The following FBXW7 variants were observed in gnomAD, a reference collection of about 807,000 sequenced individuals.
FBXW7 encodes the protein F-box and WD repeat domain containing 7, also known as F-box/WD repeat-containing protein 7.
Under a neutral mutation model 86.3 loss-of-function variants are expected in FBXW7, and 11 were observed. That is an observed-to-expected ratio of 0.13 (90% CI 0.08 to 0.21). The LOEUF (loss-of-function observed/expected upper bound fraction) is 0.21. FBXW7 is among the 10% of genes least tolerant of loss of function. FBXW7 has a pLI of 1.00. For synonymous variants in FBXW7, 313 were observed against 297.9 expected, an observed-to-expected ratio of 1.05 and a Z score of -0.52; for missense variants, 488 against 847.4, an observed-to-expected ratio of 0.58 and a Z score of 5.27.
At chr4:152,409,094 T>G (rs1309243217) in intron 4 of FBXW7, among the ~76,000 whole-genome samples, 2 of 152,202 alleles carry the variant, frequency 1.3e-5, no homozygotes, top group East Asian at 3.8e-4. Flanking sequence ...TTAAAAATCT[T>G]TTTTTCTCAT....
At chr4:152,425,684 G>A (rs377410869) in intron 2 of FBXW7, among the ~76,000 whole-genome samples, 42 of 151,994 alleles carry the variant, frequency 2.8e-4, no homozygotes, top group African/African-American at 9.9e-4. Context: ...CAAGTACAAA[G>A]GACCCTGGGA....
At chr4:152,458,864 A>G (rs1742677827) in intron 2 of FBXW7, among the ~76,000 whole-genome samples, 1 of 152,208 alleles carries the variant, frequency 6.6e-6, no homozygotes, top group African/African-American at 2.4e-5. Flanking sequence ...TCAGCTTGCT[A>G]TGCCACTTCT....
intron 11 of FBXW7, among the ~76,000 whole-genome samples, chr4:152,327,630 T>C (rs951910512): frequency 6.6e-6 from 1 of 152,038 alleles, no homozygotes; most frequent in Non-Finnish European, 1.5e-5. Flanking sequence ...TAGTCAACAG[T>C]AGGCTCAAAA....
At chr4:152,454,490 T>C (rs538995822) in intron 2 of FBXW7, among the ~76,000 whole-genome samples, 20 of 152,218 alleles carry the variant, frequency 1.3e-4, no homozygotes, top group Admixed American at 2.0e-4. Flanking sequence ...GCATCAGACA[T>C]AGGAGCTCTT....
intron 4 of FBXW7, among the ~76,000 whole-genome samples, chr4:152,350,936 T>G (rs1326700800): frequency 6.6e-6 from 1 of 152,020 alleles, no homozygotes; most frequent in East Asian, 1.9e-4. Context: ...ATATTCAGAA[T>G]TGTTTCTTGT....
intron 4 of FBXW7, among the ~76,000 whole-genome samples, chr4:152,391,341 T>C (rs1735979481): frequency 6.6e-6 from 1 of 152,154 alleles, no homozygotes; most frequent in Non-Finnish European, 1.5e-5. Context: ...ATAATTTTTC[T>C]GAAAAATATC....
chr4:152,488,459 G>C (rs1036431926), intron 2 of FBXW7, among the ~76,000 whole-genome samples: 4 of 152,018 alleles, frequency 2.6e-5, no homozygotes, highest in Non-Finnish European at 5.9e-5. Context: ...GGCCAATAAA[G>C]CGATTCGTTC....
chr4:152,334,758 T>G (rs1042886446), intron 7 of FBXW7, among the ~76,000 whole-genome samples: 1 of 152,164 alleles, frequency 6.6e-6, no homozygotes, highest in African/African-American at 2.4e-5. Flanking sequence ...CTAAAGAAAG[T>G]TGAAGTGCTA....
intron 2 of FBXW7, among the ~76,000 whole-genome samples, chr4:152,435,387 A>G (rs898170317): frequency 2.6e-5 from 4 of 152,190 alleles, no homozygotes; most frequent in Admixed American, 2.6e-4. Flanking sequence ...CACATTATGC[A>G]TCGCAGGCAG....
chr4:152,392,033 G>T (rs777164484), intron 4 of FBXW7, among the ~76,000 whole-genome samples: 1 of 152,056 alleles, frequency 6.6e-6, no homozygotes, highest in Non-Finnish European at 1.5e-5. Flanking sequence ...ATTAAATATG[G>T]AATGTTTTAA....
At chr4:152,418,129 A>ACACC (rs757306745) in intron 2 of FBXW7, among the ~76,000 whole-genome samples, 1 of 125,638 alleles carries the variant, frequency 8.0e-6, no homozygotes, top group Non-Finnish European at 1.8e-5. Flanking sequence ...AGCTCTTACC[A>ACACC]CACACACACA....
intron 7 of FBXW7, among the ~76,000 whole-genome samples, chr4:152,335,457 G>C (rs1729978761): frequency 6.6e-6 from 1 of 152,180 alleles, no homozygotes; most frequent in Admixed American, 6.5e-5. Context: ...AACAGAGTGA[G>C]ACTCTTGTCT....
In FBXW7 at chr4:152,514,213, T is replaced by C. The variant is rs574345837; in HGVS notation, c.-120+20728A>G. 9.1e-4 allele frequency among the ~76,000 whole-genome samples: 138 copies of C among 152,328 alleles called. 1 individual carries two copies. The highest frequency in any genetic ancestry group is 3.2e-3 in the African/African-American group (135 of 41,586). On this transcript the variant is annotated intron_variant, in intron 2 of 13. Coordinates refer to ENST00000281708, the MANE Select transcript of FBXW7 (RefSeq NM_001349798.2). ...CAATGCTGTCTCAGAAGAAGCTAAG[T>C]GGGCTTTTTAAGGACTTCATTTGAG...
chr4:152,336,312 T>C (rs186844698), intron 7 of FBXW7, among the ~76,000 whole-genome samples: 6 of 152,254 alleles, frequency 3.9e-5, no homozygotes, highest in African/African-American at 1.2e-4. Flanking sequence ...TTGTTTTTAA[T>C]TCTTAGATTT....
chr4:152,510,788 G>T (rs17028947), intron 2 of FBXW7, among the ~76,000 whole-genome samples: 13,497 of 152,122 alleles, frequency 0.089, 1,294 homozygotes, highest in African/African-American at 0.24. Context: ...GACATCCTTC[G>T]ATATTACCTT....
At chr4:152,451,524 G>T (rs1366191938) in intron 2 of FBXW7, 1 of 151,956 alleles carries the variant, frequency 6.6e-6, no homozygotes. Context: ...TAAGAATCCG[G>T]CTCCCAGAAC....
intron 2 of FBXW7, among the ~76,000 whole-genome samples, chr4:152,449,695 C>T (rs931901997): frequency 5.9e-5 from 9 of 152,292 alleles, no homozygotes; most frequent in Middle Eastern, 6.8e-3. Flanking sequence ...CCACAAACCA[C>T]CCTGAAAACA....
chr4:152,406,042 C>A (rs907032050), intron 4 of FBXW7, among the ~76,000 whole-genome samples: 1 of 152,088 alleles, frequency 6.6e-6, no homozygotes. Context: ...ATGATCTATT[C>A]CTATGTCCTT....
chr4:152,380,835 T>C (rs1284681578), intron 4 of FBXW7, among the ~76,000 whole-genome samples: 2 of 152,056 alleles, frequency 1.3e-5, no homozygotes, highest in Admixed American at 6.6e-5. Flanking sequence ...TTAATTTTAT[T>C]TGTATTGGTA....
Sources: allele counts gnomAD v4.1 joint callset (sites outside exome capture counted in the v4.1 genomes callset), GRCh38; gene constraint gnomAD v4.1.1; transcripts MANE v1.5; gene names NCBI Gene and HGNC (gene_info 2026-07-23, HGNC 2026-07-21).